Variants in BLTP2 observed in about 807,000 individuals in gnomAD.
BLTP2 encodes U937-associated antigen.
chr17:28,625,638 T>C, the BLTP2 span, among the ~76,000 whole-genome samples: 2 of 152,210 alleles, frequency 1.3e-5, no homozygotes, highest in Non-Finnish European at 2.9e-5. Flanking sequence ...GCTCAAAATC[T>C]AGTCGTTATA....
the BLTP2 span, among the ~76,000 whole-genome samples, chr17:28,624,624 T>G: frequency 6.6e-6 from 1 of 152,202 alleles, no homozygotes; most frequent in African/African-American, 2.4e-5. Flanking sequence ...AACAGAAACT[T>G]AGAAATGCTA....
the BLTP2 span, chr17:28,616,835 A>C: frequency 6.2e-7 from 1 of 1,605,474 alleles, no homozygotes; most frequent in South Asian, 1.1e-5. The surrounding 1 kb of genome is among the most constrained non-coding windows in gnomAD (Gnocchi z 4.8). Flanking sequence ...TGTAACACAC[A>C]GGTGGCTTTT....
chr17:28,633,584 T>C, the BLTP2 span: 3 of 1,614,028 alleles, frequency 1.9e-6, no homozygotes, highest in East Asian at 6.7e-5. Flanking sequence ...GCCTGTTCAA[T>C]GTCCATGTGC....
the BLTP2 span, chr17:28,645,112 G>A: frequency 6.7e-7 from 1 of 1,502,252 alleles, no homozygotes; most frequent in Non-Finnish European, 9.0e-7. Flanking sequence ...GGGCCCCGAC[G>A]CCGGATCCGC....
At chr17:28,616,579 T>C in the BLTP2 span, 2 of 1,613,990 alleles carry the variant, frequency 1.2e-6, no homozygotes, top group Non-Finnish European at 1.7e-6. The surrounding 1 kb of genome is among the most constrained non-coding windows in gnomAD (Gnocchi z 4.8). Context: ...TTGGGGTTGC[T>C]ACCCTATTCT....
the BLTP2 span, chr17:28,633,485 C>T: frequency 7.6e-6 from 12 of 1,587,290 alleles, no homozygotes; most frequent in East Asian, 1.1e-4. Context: ...TCTCTTCCCA[C>T]ATGTGCTATA....
At chr17:28,633,063 A>G in the BLTP2 span, 47 of 1,593,666 alleles carry the variant, frequency 2.9e-5, no homozygotes, top group Non-Finnish European at 3.8e-5. Flanking sequence ...GGGCCCGCAG[A>G]GTGACACTAT....
At chr17:28,634,079 G>A in the BLTP2 span, 32 of 1,613,910 alleles carry the variant, frequency 2.0e-5, no homozygotes, top group Non-Finnish European at 2.5e-5. Flanking sequence ...GATAGTCCCT[G>A]ATCCGAACTG....
the BLTP2 span, among the ~76,000 whole-genome samples, chr17:28,629,615 T>A: frequency 6.6e-6 from 1 of 151,944 alleles, no homozygotes; most frequent in South Asian, 2.1e-4. Context: ...GTAGCTCGGA[T>A]TACAGGCACC....
chr17:28,639,475 C>A, the BLTP2 span: 2 of 1,612,792 alleles, frequency 1.2e-6, no homozygotes, highest in African/African-American at 1.3e-5. Flanking sequence ...AATAAGAAGA[C>A]CAGAACTGTG....
At chr17:28,630,472 T>TTTG in the BLTP2 span, among the ~76,000 whole-genome samples, 20 of 145,560 alleles carry the variant, frequency 1.4e-4, no homozygotes, top group African/African-American at 4.6e-4. Flanking sequence ...ACTGTTTTTT[T>TTTG]TTTTTTTTTT....
chr17:28,643,289 C>T, the BLTP2 span: 1 of 1,614,156 alleles, frequency 6.2e-7, no homozygotes, highest in Non-Finnish European at 8.5e-7. Context: ...CGCACTTCTC[C>T]AAAGCACAAT....
the BLTP2 span, chr17:28,638,514 A>AGAGC: frequency 6.6e-5 from 106 of 1,602,496 alleles, no homozygotes; most frequent in East Asian, 2.3e-3. Context: ...ATTCCATCTG[A>AGAGC]GAGCCTTACC....
At chr17:28,628,212 C>G in the BLTP2 span, 1 of 1,480,368 alleles carries the variant, frequency 6.8e-7, no homozygotes, top group East Asian at 2.3e-5. Flanking sequence ...CTGTCCAAGC[C>G]CATATCCATG....
the BLTP2 span, among the ~76,000 whole-genome samples, chr17:28,626,001 G>A: frequency 4.6e-5 from 7 of 152,272 alleles, no homozygotes; most frequent in African/African-American, 1.7e-4. Flanking sequence ...CTGACCTCGT[G>A]ATCCATCCGC....
At chr17:28,624,429 CA>C in the BLTP2 span, 1 of 1,585,960 alleles carries the variant, frequency 6.3e-7, no homozygotes, top group East Asian at 2.2e-5. Context: ...GTCACAGTCT[CA>C]AAGGGAAAGA....
the BLTP2 span, chr17:28,616,755 TAAAAAGG>T: frequency 6.2e-7 from 1 of 1,613,456 alleles, no homozygotes; most frequent in Non-Finnish European, 8.5e-7. This position sits in a 1 kb window ranked among gnomAD's most constrained non-coding sequence, Gnocchi z 4.8. Context: ...CACATTTACC[TAAAAAGG>T]AAAAAGATTC....
At chr17:28,642,946 G>C in the BLTP2 span, 1 of 1,610,222 alleles carries the variant, frequency 6.2e-7, no homozygotes, top group Non-Finnish European at 8.5e-7. Flanking sequence ...TATCCACCTT[G>C]AGAACCATGA....
the BLTP2 span, among the ~76,000 whole-genome samples, chr17:28,622,426 GAA>G: frequency 8.0e-3 from 1,222 of 152,258 alleles, 46 homozygotes; most frequent in Admixed American, 0.056. Flanking sequence ...CCAGGGAGGT[GAA>G]AAGAGGGATC....
Sources: gnomAD v4.1 joint callset for allele counts (sites outside exome capture counted in the v4.1 genomes callset) on GRCh38, gnomAD v4.1.1 for gene constraint, Gnocchi (gnomAD v3.1) non-coding constraint, MANE v1.5 for transcripts, NCBI Gene and HGNC (gene_info 2026-07-23, HGNC 2026-07-21) for gene names.